Variants in DISC1 observed in about 807,000 individuals in gnomAD.
The protein encoded by DISC1 is DISC1 scaffold protein.
A neutral mutation model predicts 84.5 loss-of-function variants in DISC1; 57 were observed. The ratio of observed to expected loss-of-function variants is 0.67; its 90% CI spans 0.55 to 0.84. The LOEUF (loss-of-function observed/expected upper bound fraction) is 0.84. DISC1 is among the 40% of genes least tolerant of loss of function. The probability of loss-of-function intolerance (pLI) is 0.00; values close to 1 mark genes in which losing one functional copy is unlikely to be tolerated. For synonymous variants in DISC1, 411 were observed against 415.2 expected, an observed-to-expected ratio of 0.99 and a Z score of 0.12; for missense variants, 1,000 against 1,057.8, an observed-to-expected ratio of 0.95 and a Z score of 0.76.
At chr1:231,781,655 C>A (rs2077443426) in intron 6 of DISC1, among the ~76,000 whole-genome samples, 1 of 152,178 alleles carries the variant, frequency 6.6e-6, no homozygotes, top group South Asian at 2.1e-4. Context: ...TACTTAATTT[C>A]TCTGTAATTT....
Position 231,819,887 on chromosome 1 carries a change from C to T in DISC1, c.1981+1370C>T, listed in dbSNP as rs148428011. ...TGAACAAATTTGAGCAAATTTAGTC[C>T]AGCAATATTTTCATTTGAATAGTTG... On this transcript the variant is annotated intron_variant, in intron 9 of 12. Transcript: ENST00000439617. 1.5e-3 allele frequency among the ~76,000 whole-genome samples: 226 copies of T among 152,058 alleles called. 3 individuals are homozygous for T. Among genetic ancestry groups the T allele is most frequent in the African/African-American group, 5.2e-3 (214 of 41,490 alleles).
chr1:231,750,860 G>A (rs927444949), intron 4 of DISC1, among the ~76,000 whole-genome samples: 2 of 152,150 alleles, frequency 1.3e-5, no homozygotes, highest in African/African-American at 4.8e-5. Flanking sequence ...TATCAACATG[G>A]CCACAACAAT....
chr1:231,762,244 T>C (rs1348217406), intron 4 of DISC1, among the ~76,000 whole-genome samples: 882 of 53,516 alleles, frequency 0.016, 10 homozygotes, highest in African/African-American at 0.059. Flanking sequence ...TTTTCTTTTC[T>C]TTTCTTTTCT....
intron 3 of DISC1, among the ~76,000 whole-genome samples, chr1:231,748,075 T>A (rs1225191628): frequency 6.6e-6 from 1 of 152,244 alleles, no homozygotes; most frequent in Admixed American, 6.5e-5. Context: ...GGTTTTTGTA[T>A]ATTAATTTTG....
intron 4 of DISC1, among the ~76,000 whole-genome samples, chr1:231,751,917 T>C (rs2074641476): frequency 6.6e-6 from 1 of 152,250 alleles, no homozygotes; most frequent in Non-Finnish European, 1.5e-5. Flanking sequence ...GTAGTATTAT[T>C]TTATATATTG....
At chr1:231,647,342 T>C (rs1473393408) in intron 1 of DISC1, among the ~76,000 whole-genome samples, 1 of 152,242 alleles carries the variant, frequency 6.6e-6, no homozygotes, top group Admixed American at 6.5e-5. Flanking sequence ...ATTTCTTGTT[T>C]TTGTCAGCTT....
At chr1:231,633,169 ATTAT>A (rs1470959420) in intron 1 of DISC1, among the ~76,000 whole-genome samples, 2 of 152,228 alleles carry the variant, frequency 1.3e-5, no homozygotes, top group Non-Finnish European at 2.9e-5. Flanking sequence ...TCATGAATTC[ATTAT>A]TTATTCATTC....
intron 1 of DISC1, among the ~76,000 whole-genome samples, chr1:231,648,974 G>T (rs1487708017): frequency 1.3e-5 from 2 of 152,002 alleles, no homozygotes; most frequent in East Asian, 1.9e-4. Flanking sequence ...TCTTGCTAGC[G>T]GTCTATCAAT....
rs578243345 is a variant in DISC1, at chr1:232,041,009, A to G, written c.*4178A>G. On this transcript the variant is annotated 3_prime_UTR_variant, in exon 13 of 13. Coordinates refer to ENST00000439617, the MANE Select transcript of DISC1 (RefSeq NM_018662.3). ...TGGTCAATGCCTTCTTGTATATGTA[A>G]TTCAATACTTTTACTTTTAATATCC... 7 of 152,170 alleles carry G rather than the reference A, an allele frequency of 4.6e-5. No homozygotes were observed. Among genetic ancestry groups the G allele is most frequent in the Non-Finnish European group, 7.4e-5 (5 of 68,020 alleles). The allele number at this position is 152,170 out of a possible 1,614,324, so 9.4% of individuals were successfully genotyped here.
At chr1:231,705,730 T>C (rs2067009425) in intron 3 of DISC1, among the ~76,000 whole-genome samples, 1 of 152,190 alleles carries the variant, frequency 6.6e-6, no homozygotes, top group Non-Finnish European at 1.5e-5. Flanking sequence ...TTCTCTCATA[T>C]AGTTTATTGA....
intron 8 of DISC1, among the ~76,000 whole-genome samples, chr1:231,801,390 G>A (rs1445472858): frequency 3.3e-5 from 5 of 152,208 alleles, no homozygotes; most frequent in Non-Finnish European, 7.3e-5. Flanking sequence ...TTAAGCCCAA[G>A]GGAAGAAATG....
chr1:231,635,386 G>A (rs2059111752), intron 1 of DISC1, among the ~76,000 whole-genome samples: 1 of 150,260 alleles, frequency 6.7e-6, no homozygotes, highest in Non-Finnish European at 1.5e-5. Flanking sequence ...CTCCCAATCT[G>A]AACGCATCAA....
At chr1:231,686,518 A>T (rs1467117585) in intron 1 of DISC1, among the ~76,000 whole-genome samples, 1 of 152,140 alleles carries the variant, frequency 6.6e-6, no homozygotes, top group East Asian at 1.9e-4. Context: ...CAGCTGGGAC[A>T]CAGGGTACTA....
chr1:231,891,588 G>A (rs909735938), intron 9 of DISC1, among the ~76,000 whole-genome samples: 1 of 152,124 alleles, frequency 6.6e-6, no homozygotes, highest in Non-Finnish European at 1.5e-5. Flanking sequence ...GTGGGCTCTG[G>A]GATGTAGGGG....
chr1:231,910,058 C>G (rs2089061466), intron 9 of DISC1, among the ~76,000 whole-genome samples: 2 of 151,720 alleles, frequency 1.3e-5, no homozygotes, highest in Admixed American at 6.6e-5. Flanking sequence ...CTATTTGATT[C>G]TTCTCTCTTT....
chr1:231,830,736 C>G (rs1310240398), intron 9 of DISC1, among the ~76,000 whole-genome samples: 1 of 150,542 alleles, frequency 6.6e-6, no homozygotes, highest in Non-Finnish European at 1.5e-5. Flanking sequence ...TACAGGAGCT[C>G]AAATGGGCTG....
At chr1:231,927,721 G>A (rs2090431414) in intron 9 of DISC1, among the ~76,000 whole-genome samples, 1 of 152,182 alleles carries the variant, frequency 6.6e-6, no homozygotes, top group Non-Finnish European at 1.5e-5. Context: ...GATAAAATGC[G>A]ACGAGAGCTA....
intron 6 of DISC1, among the ~76,000 whole-genome samples, chr1:231,780,871 G>A (rs2077365803): frequency 9.0e-6 from 1 of 111,346 alleles, no homozygotes; most frequent in African/African-American, 3.5e-5. Flanking sequence ...GGACATGGAT[G>A]AAATTGGAAA....
chr1:231,831,291 G>A (rs150703173), intron 9 of DISC1, among the ~76,000 whole-genome samples: 1,836 of 152,302 alleles, frequency 0.012, 16 homozygotes, highest in Non-Finnish European at 0.017. Flanking sequence ...TAGATTTCCA[G>A]GATGGAAAGG....
Sources: gnomAD v4.1 joint callset for allele counts (sites outside exome capture counted in the v4.1 genomes callset) on GRCh38, gnomAD v4.1.1 for gene constraint, MANE v1.5 for transcripts, NCBI Gene and HGNC (gene_info 2026-07-23, HGNC 2026-07-21) for gene names.